The following LIX1 variants were observed in gnomAD, a reference collection of about 807,000 sequenced individuals.
The protein encoded by LIX1 is protein limb expression 1 homolog.
In LIX1, 24 loss-of-function variants were observed where a neutral mutation model predicts 33.4. The observed-to-expected ratio is 0.72, with a 90% confidence interval of 0.52 to 1.01. The LOEUF is 1.01. Ranked by LOEUF, LIX1 falls within the 50% of genes least tolerant of loss-of-function variation. LIX1 has a pLI of 0.00. For missense variants in LIX1, 311 were observed against 339.2 expected (o/e 0.92, Z 0.65); for synonymous variants, 124 against 124.0 (o/e 1.00, Z 0.00).
intron 1 of LIX1, among the ~76,000 whole-genome samples, chr5:97,131,575 A>G (rs2112795684): frequency 6.6e-6 from 1 of 152,300 alleles, no homozygotes; most frequent in South Asian, 2.1e-4. Flanking sequence ...ATCTTACAGA[A>G]TACAGTTTTC....
intron 1 of LIX1, 36 bp downstream of exon 1, chr5:97,142,459 A>T (rs1423861163): frequency 6.7e-7 from 1 of 1,497,830 alleles, no homozygotes; most frequent in South Asian, 1.1e-5. Context: ...ACTATTTTCT[A>T]AAAAGTCAAA....
chr5:97,103,462 A>C (rs1042080572), intron 4 of LIX1, among the ~76,000 whole-genome samples: 3 of 152,180 alleles, frequency 2.0e-5, no homozygotes, highest in African/African-American at 7.2e-5. Flanking sequence ...AGGTACTGTT[A>C]TTCTCTCTGA....
At chr5:97,127,730 C>T (rs531200177) in intron 1 of LIX1, among the ~76,000 whole-genome samples, 9 of 152,284 alleles carry the variant, frequency 5.9e-5, no homozygotes, top group African/African-American at 2.2e-4. Context: ...TGAGAGTAGG[C>T]GTCAATCAAT....
chr5:97,141,558 G>A (rs1357267114), intron 1 of LIX1, among the ~76,000 whole-genome samples: 1 of 152,120 alleles, frequency 6.6e-6, no homozygotes, highest in African/African-American at 2.4e-5. Context: ...GGAATGGAAC[G>A]TTATTCAGCA....
intron 3 of LIX1, among the ~76,000 whole-genome samples, chr5:97,106,897 C>T (rs1365125160): frequency 6.6e-6 from 1 of 152,120 alleles, no homozygotes; most frequent in Non-Finnish European, 1.5e-5. Context: ...GTCCATGTTT[C>T]CTTAAAAATG....
intron 2 of LIX1, among the ~76,000 whole-genome samples, chr5:97,116,714 G>A (rs759875244): frequency 2.0e-5 from 3 of 151,552 alleles, no homozygotes; most frequent in Non-Finnish European, 2.9e-5. Flanking sequence ...TTTTTTTCAA[G>A]TTAAGGTGTA....
chr5:97,125,449 C>T (rs766047917), intron 1 of LIX1, among the ~76,000 whole-genome samples: 13 of 152,180 alleles, frequency 8.5e-5, no homozygotes, highest in Non-Finnish European at 1.9e-4. Context: ...AGGAATTCCT[C>T]GCCAGCATTC....
intron 1 of LIX1, among the ~76,000 whole-genome samples, chr5:97,137,756 G>A (rs1172282636): frequency 1.3e-5 from 2 of 152,046 alleles, no homozygotes; most frequent in Non-Finnish European, 2.9e-5. Flanking sequence ...TTTTTTCAGG[G>A]GTGGTGGAAT....
intron 1 of LIX1, among the ~76,000 whole-genome samples, chr5:97,125,635 C>A (rs894787266): frequency 6.6e-6 from 1 of 152,198 alleles, no homozygotes; most frequent in Non-Finnish European, 1.5e-5. Flanking sequence ...ATTTCTGAGG[C>A]CTCAAAAAGT....
chr5:97,124,184 A>G (rs1052667230), intron 2 of LIX1, among the ~76,000 whole-genome samples: 1 of 152,194 alleles, frequency 6.6e-6, no homozygotes, highest in African/African-American at 2.4e-5. Flanking sequence ...TTAGTTGACA[A>G]ACTAAGAAAC....
At chr5:97,126,521 G>A (rs1357635510) in intron 1 of LIX1, among the ~76,000 whole-genome samples, 2 of 152,076 alleles carry the variant, frequency 1.3e-5, no homozygotes, top group African/African-American at 4.8e-5. Context: ...AATGTTAAAA[G>A]TAGTGAGGGG....
rs1457858254 is a variant in LIX1, at chr5:97,108,062, A to G, written c.247-562T>C. 3.3e-5 allele frequency among the ~76,000 whole-genome samples: 5 copies of G among 152,328 alleles called. No homozygotes were observed. The East Asian group carries it at 9.7e-4, about 29-fold the overall frequency. On this transcript the variant is annotated intron_variant, in intron 2 of 5. Coordinates refer to ENST00000274382, the MANE Select transcript of LIX1 (RefSeq NM_153234.5). Reference sequence around the variant, plus strand: ...AATAGTAGGGTTGAGGTTAGGATCAATTGGTTAATATAGATGAAGCACTGG... The same window carrying G: ...AATAGTAGGGTTGAGGTTAGGATCAGTTGGTTAATATAGATGAAGCACTGG...
intron 1 of LIX1, among the ~76,000 whole-genome samples, chr5:97,134,656 C>T (rs1325975800): frequency 2.0e-5 from 3 of 152,194 alleles, no homozygotes; most frequent in African/African-American, 4.8e-5. Context: ...CAAGGTGTGA[C>T]GCTGATTTAC....
chr5:97,103,750 G>A (rs1452608618), intron 4 of LIX1, among the ~76,000 whole-genome samples: 1 of 152,160 alleles, frequency 6.6e-6, no homozygotes, highest in Non-Finnish European at 1.5e-5. Context: ...CAGATCACGA[G>A]GTCAGGAGAT....
At chr5:97,105,957 G>A (rs1282712206) in intron 3 of LIX1, among the ~76,000 whole-genome samples, 1 of 152,194 alleles carries the variant, frequency 6.6e-6, no homozygotes, top group African/African-American at 2.4e-5. Context: ...CGGGAAGGTG[G>A]GCAATGGTGA....
intron 1 of LIX1, among the ~76,000 whole-genome samples, chr5:97,133,912 C>A (rs543262856): frequency 1.3e-5 from 2 of 152,170 alleles, no homozygotes; most frequent in African/African-American, 4.8e-5. Context: ...TAATATGACA[C>A]AAGTCCTGCA....
rs148131219 is a variant in LIX1 at position 97,122,274 on chromosome 5, A to G, written c.246+2192T>C. On this transcript the variant is annotated intron_variant, in intron 2 of 5. Coordinates refer to ENST00000274382, the MANE Select transcript of LIX1 (RefSeq NM_153234.5). Reference sequence around the variant, plus strand: ...TGCATTCTGCTCTTTGCATTTGTTCATGTGAACCTGGAGTTTCTCTAGCTC... The same window carrying G: ...TGCATTCTGCTCTTTGCATTTGTTCGTGTGAACCTGGAGTTTCTCTAGCTC... 1.5e-3 allele frequency among the ~76,000 whole-genome samples: 221 copies of G among 152,278 alleles called. 1 individual carries two copies. The highest frequency in any genetic ancestry group is 6.8e-3 in the Middle Eastern group (2 of 294).
intron 1 of LIX1, among the ~76,000 whole-genome samples, chr5:97,125,600 G>A (rs549568394): frequency 1.3e-5 from 2 of 152,288 alleles, no homozygotes; most frequent in South Asian, 4.1e-4. Context: ...TTTCCTGTAA[G>A]GTTCATGCAG....
chr5:97,094,952 C>G lies in LIX1; in HGVS notation c.645G>C (p.Arg215=). The G allele has an allele frequency of 6.2e-7, 1 of 1,614,106 alleles. No individual in the cohort carries two copies. Among genetic ancestry groups the G allele is most frequent in the Non-Finnish European group, 8.5e-7 (1 of 1,180,012 alleles). ...HMALDWIMKE[R]DSPGIVSQEL... is the part of the protein sequence containing the mutation. ...CTTGAGAGACAATTCCTGGTGAGTCCCGCTCCTTCATGATCCAGTCCAGGG... is the reference window on the plus strand; with the variant it reads ...CTTGAGAGACAATTCCTGGTGAGTCGCGCTCCTTCATGATCCAGTCCAGGG... Residue 215 remains arginine, a synonymous_variant, in exon 6 of 6, where the codon CGG becomes CGC. Coordinates refer to ENST00000274382, the MANE Select transcript of LIX1 (RefSeq NM_153234.5).
Sources: allele counts gnomAD v4.1 joint callset (sites outside exome capture counted in the v4.1 genomes callset), GRCh38; gene constraint gnomAD v4.1.1; transcripts MANE v1.5; gene names NCBI Gene and HGNC (gene_info 2026-07-23, HGNC 2026-07-21).